The following MDM2 variants were observed in gnomAD, a reference collection of about 807,000 sequenced individuals.
The protein encoded by MDM2 is MDM2 proto-oncogene, also known as E3 ubiquitin-protein ligase Mdm2.
In MDM2, 11 loss-of-function variants were observed where a neutral mutation model predicts 64.3. That is an observed-to-expected ratio of 0.17 (90% CI 0.11 to 0.28). The LOEUF (loss-of-function observed/expected upper bound fraction) is 0.28. Ranked by LOEUF, MDM2 falls within the 10% of genes least tolerant of loss-of-function variation. The pLI, the probability that MDM2 is intolerant of heterozygous loss-of-function variation, is 1.00. For missense variants in MDM2, 388 were observed against 577.1 expected (o/e 0.67, Z 3.36); for synonymous variants, 194 against 192.9 (o/e 1.01, Z -0.05).
Position 68,844,278 on chromosome 12 carries a change from T to C in MDM2, c.*4429T>C. On this transcript the variant is annotated 3_prime_UTR_variant, in exon 11 of 11. Coordinates refer to ENST00000258149, the MANE Select transcript of MDM2 (RefSeq NM_002392.6). ...ATTTGGGTAACAAAAGGCACAAGTC[T>C]GAATGTGTTTCTTTTTCTGGAATGG... is the stretch of plus-strand genomic sequence containing the variant. 9.1e-6 allele frequency: 2 copies of C among 219,226 alleles called. No homozygotes were observed. The highest frequency in any genetic ancestry group is 1.8e-4 in the South Asian group (1 of 5,412). 13.6% of individuals were successfully genotyped at this position (219,226 alleles called of 1,614,324 possible). A position where few individuals can be genotyped will look rare whatever the true frequency, so the allele number is the denominator to read the frequency against.
Position 68,845,203 on chromosome 12 carries a change from TATAAAAAGAAAA to T in MDM2, c.*5356_*5367del, listed in dbSNP as rs1884180578. On this transcript the variant is annotated 3_prime_UTR_variant, in exon 11 of 11. Transcript: ENST00000258149. The stretch of plus-strand genomic sequence containing the variant: ...CTGAATTACATTTTGATTTGATACT[TATAAAAAGAAAA>T]AGTATTTCTTCAGCTTAAAAAATTG... 1 of 217,334 alleles carries T rather than the reference TATAAAAAGAAAA, an allele frequency of 4.6e-6. No homozygotes were observed. Among genetic ancestry groups the T allele is most frequent in the Non-Finnish European group, 9.1e-6 (1 of 110,184 alleles). The allele number at this position is 217,334 out of a possible 1,614,324, so 13.5% of individuals were successfully genotyped here. A position where few individuals can be genotyped will look rare whatever the true frequency, so the allele number is the denominator to read the frequency against.
At position 68,839,896 on chromosome 12, in the gene MDM2, A is replaced by G; in HGVS notation, c.*47A>G. 2 of 1,517,060 alleles carry G rather than the reference A, an allele frequency of 1.3e-6. No homozygotes were observed. The highest frequency in any genetic ancestry group is 1.8e-6 in the Non-Finnish European group (2 of 1,119,482). The allele number at this position is 1,517,060 out of a possible 1,614,324, so 94.0% of individuals were successfully genotyped here. A position where few individuals can be genotyped will look rare whatever the true frequency, so the allele number is the denominator to read the frequency against. On this transcript the variant is annotated 3_prime_UTR_variant, in exon 11 of 11. Transcript: ENST00000258149. ...TATATATTTCTAACTATATAACCCTAGGAATTTAGACAACCTGAAATTTAT... is the reference window on the plus strand; with the variant it reads ...TATATATTTCTAACTATATAACCCTGGGAATTTAGACAACCTGAAATTTAT...
At chr12:68,826,647 T>TAAA (rs756911468) in intron 7 of MDM2, among the ~76,000 whole-genome samples, 12 of 91,424 alleles carry the variant, frequency 1.3e-4, no homozygotes, top group African/African-American at 4.9e-4. Context: ...AGACTCCCTC[T>TAAA]TAAAAAAAAA....
At chr12:68,835,799 A>G (rs776196692) in intron 8 of MDM2, 30 bp from the exon 9 acceptor site, 24 of 1,601,428 alleles carry the variant, frequency 1.5e-5, no homozygotes, top group African/African-American at 2.7e-5. Context: ...GGTGATGTTT[A>G]TTAAGTTATA....
At chr12:68,808,578 G>A (rs757580574) in intron 1 of MDM2, 87 bp downstream of exon 1, 126 of 1,586,760 alleles carry the variant, frequency 7.9e-5, no homozygotes, top group Non-Finnish European at 1.0e-4. Context: ...CTGCCCGTTC[G>A]CAGCCTTTGT....
chr12:68,839,152 G>T, intron 10 of MDM2, 122 bp from the exon 11 acceptor site: 1 of 825,926 alleles, frequency 1.2e-6, no homozygotes, highest in African/African-American at 1.7e-5. Context: ...TATAAAACAT[G>T]AAACACTGAA....
intron 10 of MDM2, among the ~76,000 whole-genome samples, chr12:68,837,744 A>G (rs1883423618): frequency 6.6e-6 from 1 of 152,198 alleles, no homozygotes; most frequent in South Asian, 2.1e-4. Flanking sequence ...TTTACATCTC[A>G]TGCATACTTC....
chr12:68,836,547 T>C, intron 9 of MDM2, 125 bp from the exon 10 acceptor site: 1 of 739,398 alleles, frequency 1.4e-6, no homozygotes, highest in African/African-American at 1.7e-5. Flanking sequence ...TTACTCTATT[T>C]GATATTGTCT....
intron 3 of MDM2, chr12:68,814,509 G>T (rs1205401772): frequency 1.5e-5 from 4 of 274,852 alleles, no homozygotes; most frequent in Non-Finnish European, 2.9e-5. Flanking sequence ...TATAATCGAA[G>T]GAAAAGCTAA....
chr12:68,809,160 G>C, intron 1 of MDM2, 48 bp from the exon 2 acceptor site: 2 of 1,605,376 alleles, frequency 1.2e-6, no homozygotes, highest in South Asian at 2.2e-5. Flanking sequence ...ATTTTCCACA[G>C]ATGTTTCATG....
rs749301960 is a variant in MDM2, at chr12:68,835,927, C to T, written c.783C>T (p.Asp261=). The T allele has an allele frequency of 2.4e-5, 39 of 1,613,450 alleles. No homozygotes were observed. The highest frequency in any genetic ancestry group is 3.1e-5 in the Non-Finnish European group (37 of 1,179,658). ...FSVEFEVESL[D]SEDYSLSEEG... ...TAGAATTTGAAGTTGAATCTCTCGA[C>T]TCAGAAGATTATAGCCTTAGTGAAG... is the stretch of plus-strand genomic sequence containing the variant. The change falls in exon 9 of 11, where the codon GAC becomes GAT. Residue 261 remains aspartate (D), a synonymous_variant. Transcript: ENST00000258149.
intron 8 of MDM2, among the ~76,000 whole-genome samples, chr12:68,835,327 A>C (rs2136167305): frequency 6.6e-6 from 1 of 152,344 alleles, no homozygotes; most frequent in African/African-American, 2.4e-5. Context: ...TAGGATTTTG[A>C]AACTGAAATT....
In MDM2 at chr12:68,842,305, C is replaced by T. The variant is rs1429271203; in HGVS notation, c.*2456C>T. On this transcript the variant is annotated 3_prime_UTR_variant, in exon 11 of 11. Transcript: ENST00000258149. ...GAAGTCAGGCAAAACTCATCTTGACCCCTGTTGCAGGCAAAGGAACGCAGC... is the reference window on the plus strand; with the variant it reads ...GAAGTCAGGCAAAACTCATCTTGACTCCTGTTGCAGGCAAAGGAACGCAGC... 8.1e-6 allele frequency: 4 copies of T among 495,784 alleles called. No individual in the cohort carries two copies. The highest frequency in any genetic ancestry group is 3.9e-5 in the African/African-American group (2 of 51,620). 30.7% of individuals were successfully genotyped at this position (495,784 alleles called of 1,614,324 possible). A position where few individuals can be genotyped will look rare whatever the true frequency, so the allele number is the denominator to read the frequency against.
intron 3 of MDM2, chr12:68,815,719 A>G: frequency 2.9e-6 from 1 of 349,668 alleles, no homozygotes; most frequent in Non-Finnish European, 5.8e-6. Flanking sequence ...CTAGATTTAC[A>G]GGTGTGAGCC....
intron 3 of MDM2, chr12:68,815,852 T>C (rs911021715): frequency 1.8e-5 from 3 of 164,192 alleles, no homozygotes; most frequent in Non-Finnish European, 4.1e-5. Context: ...ATTTAGGTAG[T>C]TGTTAATAGG....
downstream of MDM2, chr12:68,850,361 C>G (rs1239136969): frequency 5.9e-5 from 9 of 151,490 alleles, no homozygotes; most frequent in Admixed American, 5.9e-4. Flanking sequence ...GCTTAAGAGG[C>G]TTCTATGTAA....
intron 4 of MDM2, among the ~76,000 whole-genome samples, chr12:68,818,618 A>T (rs1436519866): frequency 6.7e-6 from 1 of 148,940 alleles, no homozygotes; most frequent in East Asian, 1.9e-4. Flanking sequence ...TTTTTTATTG[A>T]TGAGTCACTT....
chr12:68,825,928 AC>A (rs1453439510), intron 7 of MDM2, among the ~76,000 whole-genome samples: 1 of 152,250 alleles, frequency 6.6e-6, no homozygotes, highest in Non-Finnish European at 1.5e-5. Context: ...TTAGATCTGT[AC>A]CTTATGCCAA....
Position 68,820,352 on chromosome 12 carries a change from C to T in MDM2, c.336C>T (p.Asn112=), listed in dbSNP as rs755041148. ...AAATATATACCATGATCTACAGGAA[C>T]TTGGTAGTAGTCAATCAGCAGGGTA... ...HRKIYTMIYR[N]LVVVNQQESS... Residue 112 remains asparagine (N), a synonymous_variant, in exon 5 of 11, where the codon AAC becomes AAT. Coordinates refer to ENST00000258149, the MANE Select transcript of MDM2 (RefSeq NM_002392.6). 1.9e-5 allele frequency: 30 copies of T among 1,602,164 alleles called. No individual in the cohort carries two copies. The highest frequency in any genetic ancestry group is 1.7e-4 in the Middle Eastern group (1 of 6,040).
Sources: allele counts gnomAD v4.1 joint callset (sites outside exome capture counted in the v4.1 genomes callset), GRCh38; gene constraint gnomAD v4.1.1; transcripts MANE v1.5; gene names NCBI Gene and HGNC (gene_info 2026-07-23, HGNC 2026-07-21).